The following NRXN3 variants were observed in gnomAD, a reference collection of about 807,000 sequenced individuals.
The protein encoded by NRXN3 is neurexin 3, also known as neurexin III.
Under a neutral mutation model 137.6 loss-of-function variants are expected in NRXN3, and 32 were observed. The observed-to-expected ratio is 0.23, with a 90% CI of 0.18 to 0.31. The LOEUF is 0.31. NRXN3 is among the 10% of genes least tolerant of loss of function. The pLI, the probability that NRXN3 is intolerant of heterozygous loss-of-function variation, is 1.00. For synonymous variants in NRXN3, 798 were observed against 784.5 expected (o/e 1.02, Z -0.29); for missense variants, 1,574 against 2,062.5 (o/e 0.76, Z 4.59).
intron 10 of NRXN3, among the ~76,000 whole-genome samples, chr14:78,955,705 ACT>A (rs1278918399): frequency 2.0e-5 from 3 of 151,930 alleles, no homozygotes; most frequent in Non-Finnish European, 4.4e-5. Flanking sequence ...TCACTTTGAA[ACT>A]CTGTTTATTT....
chr14:79,834,243 T>C (rs777858764), intron 20 of NRXN3, among the ~76,000 whole-genome samples: 1 of 152,024 alleles, frequency 6.6e-6, no homozygotes, highest in Non-Finnish European at 1.5e-5. Flanking sequence ...AGTGCCACAA[T>C]GGAAAAGCAA....
At chr14:79,785,087 G>A (rs1568243484) in intron 19 of NRXN3, among the ~76,000 whole-genome samples, 1 of 152,196 alleles carries the variant, frequency 6.6e-6, no homozygotes, top group African/African-American at 2.4e-5. Context: ...CATCTCTGAA[G>A]TGTATGCAGT....
chr14:78,749,356 A>C (rs1157535035), intron 8 of NRXN3, among the ~76,000 whole-genome samples: 2 of 152,306 alleles, frequency 1.3e-5, no homozygotes, highest in African/African-American at 4.8e-5. Context: ...ACTATTATTA[A>C]GAAAAGCTTT....
intron 15 of NRXN3, among the ~76,000 whole-genome samples, chr14:79,094,044 T>C (rs2049769325): frequency 6.6e-6 from 1 of 152,138 alleles, no homozygotes. Context: ...CTCACTTGGT[T>C]TGTCTACTCA....
intron 1 of NRXN3, among the ~76,000 whole-genome samples, chr14:78,236,892 G>A (rs769405797): frequency 6.6e-6 from 1 of 152,180 alleles, no homozygotes; most frequent in African/African-American, 2.4e-5. Context: ...GAGAATTCAT[G>A]CCTTAACCTC....
At chr14:78,190,429 G>A (rs533317921) in intron 1 of NRXN3, among the ~76,000 whole-genome samples, 8 of 152,254 alleles carry the variant, frequency 5.3e-5, no homozygotes, top group Middle Eastern at 3.4e-3. Context: ...TGTGACAGCC[G>A]ATGCCCATCT....
At chr14:78,648,222 T>G (rs763026663) in intron 5 of NRXN3, among the ~76,000 whole-genome samples, 1 of 152,208 alleles carries the variant, frequency 6.6e-6, no homozygotes, top group Non-Finnish European at 1.5e-5. Flanking sequence ...TATGTGGTAG[T>G]GGGGTGGTAA....
chr14:78,371,656 C>T (rs1310783762), intron 4 of NRXN3, among the ~76,000 whole-genome samples: 1 of 152,214 alleles, frequency 6.6e-6, no homozygotes, highest in Non-Finnish European at 1.5e-5. Flanking sequence ...CTCACCCTGG[C>T]CCCGACACCC....
At chr14:78,911,203 AAAT>A (rs1179145437) in intron 10 of NRXN3, among the ~76,000 whole-genome samples, 3 of 152,344 alleles carry the variant, frequency 2.0e-5, no homozygotes, top group Middle Eastern at 6.8e-3. Context: ...CCATTTTTAT[AAAT>A]GAGAAAGCTG....
intron 10 of NRXN3, among the ~76,000 whole-genome samples, chr14:78,883,889 G>C (rs2099135985): frequency 6.6e-6 from 1 of 152,104 alleles, no homozygotes; most frequent in Non-Finnish European, 1.5e-5. Flanking sequence ...TTAATACATG[G>C]TAAGTATATA....
At chr14:78,377,154 CTG>C (rs1194273506) in intron 4 of NRXN3, among the ~76,000 whole-genome samples, 38 of 152,200 alleles carry the variant, frequency 2.5e-4, no homozygotes, top group African/African-American at 8.9e-4. Context: ...TGACCCAACT[CTG>C]TGTTATCTAT....
chr14:79,777,373 G>A lies in NRXN3; in HGVS notation c.4015-27739G>A, dbSNP rs148375848. Among the ~76,000 whole-genome samples the A allele has an allele frequency of 2.8e-3, 421 of 152,144 alleles. 1 individual carries two copies. The highest frequency in any genetic ancestry group is 9.9e-3 in the African/African-American group (411 of 41,494). On this transcript the variant is annotated intron_variant, in intron 19 of 20. Coordinates refer to ENST00000335750, the MANE Select transcript of NRXN3 (RefSeq NM_001330195.2). ...GAACCTGGGATAGGGAGAGATTTAG[G>A]CAAAGCTAAAATCCATCTGAGTTGG...
intron 10 of NRXN3, among the ~76,000 whole-genome samples, chr14:78,823,024 T>C (rs2098955659): frequency 6.6e-6 from 1 of 152,174 alleles, no homozygotes. Context: ...TAGTGCCCCA[T>C]GCTTGCCATA....
intron 4 of NRXN3, among the ~76,000 whole-genome samples, chr14:78,492,331 A>T (rs973303114): frequency 3.3e-5 from 5 of 152,184 alleles, no homozygotes; most frequent in African/African-American, 1.2e-4. Context: ...AAAATATTTT[A>T]AAAATAATTA....
At chr14:79,284,669 T>A (rs946803789) in intron 15 of NRXN3, among the ~76,000 whole-genome samples, 2 of 151,978 alleles carry the variant, frequency 1.3e-5, no homozygotes, top group Admixed American at 1.3e-4. Flanking sequence ...ATTCAAACCA[T>A]CTTAGCAGAA....
intron 15 of NRXN3, among the ~76,000 whole-genome samples, chr14:79,461,479 A>G (rs1201288249): frequency 1.3e-5 from 2 of 152,196 alleles, no homozygotes. Flanking sequence ...CACTCCTAAA[A>G]CAGCCAGAGA....
intron 15 of NRXN3, among the ~76,000 whole-genome samples, chr14:79,327,320 T>C (rs2091039593): frequency 6.6e-6 from 1 of 152,176 alleles, no homozygotes; most frequent in African/African-American, 2.4e-5. Flanking sequence ...TGTAACCCCC[T>C]ATAGATTCTT....
At chr14:78,588,632 G>A (rs1012496568) in intron 4 of NRXN3, among the ~76,000 whole-genome samples, 3 of 152,152 alleles carry the variant, frequency 2.0e-5, no homozygotes, top group Non-Finnish European at 4.4e-5. Context: ...GATAATACTC[G>A]CTTCTCCTTC....
chr14:79,503,085 G>A (rs1158304525), intron 16 of NRXN3, among the ~76,000 whole-genome samples: 1 of 151,930 alleles, frequency 6.6e-6, no homozygotes, highest in East Asian at 1.9e-4. Context: ...TCAGTGATTT[G>A]GTTATCACTC....
Sources: gnomAD v4.1 joint callset for allele counts (sites outside exome capture counted in the v4.1 genomes callset) on GRCh38, gnomAD v4.1.1 for gene constraint, MANE v1.5 for transcripts, NCBI Gene and HGNC (gene_info 2026-07-23, HGNC 2026-07-21) for gene names.